The following KCNH5 variants were observed in gnomAD, a reference collection of about 807,000 sequenced individuals.
KCNH5 encodes voltage-gated delayed rectifier potassium channel KCNH5.
In KCNH5, 46 loss-of-function variants were observed where a neutral mutation model predicts 96.1. The observed-to-expected ratio is 0.48, with a 90% CI of 0.38 to 0.61. The LOEUF is 0.61. KCNH5 is among the 20% of genes least tolerant of loss of function. KCNH5 has a pLI of 0.00. For missense variants in KCNH5, 907 were observed against 1,225.8 expected, an observed-to-expected ratio of 0.74 and a Z score of 3.88; for synonymous variants, 439 against 449.8, an observed-to-expected ratio of 0.98 and a Z score of 0.30.
chr14:62,962,243 G>A (rs1890227203), intron 6 of KCNH5, among the ~76,000 whole-genome samples: 1 of 152,142 alleles, frequency 6.6e-6, no homozygotes, highest in Non-Finnish European at 1.5e-5. Flanking sequence ...TCAGCCCTTT[G>A]ACCAGGACAT....
chr14:62,851,061 T>C (rs1887794319), intron 7 of KCNH5, among the ~76,000 whole-genome samples: 1 of 152,188 alleles, frequency 6.6e-6, no homozygotes, highest in African/African-American at 2.4e-5. Context: ...AGAAAATTAT[T>C]TGTTTTCTTC....
At chr14:62,797,887 T>C (rs1442446387) in intron 9 of KCNH5, among the ~76,000 whole-genome samples, 1 of 151,972 alleles carries the variant, frequency 6.6e-6, no homozygotes, top group East Asian at 1.9e-4. Context: ...CAGGTAATTT[T>C]TGTATTTTTA....
In KCNH5 at chr14:62,706,529, T is replaced by C. The variant is rs1369473292; in HGVS notation, c.*979A>G. 17 of 152,168 alleles carry C rather than the reference T, an allele frequency of 1.1e-4. No individual in the cohort carries two copies. The highest frequency in any genetic ancestry group is 1.5e-5 in the Non-Finnish European group (1 of 67,990). 9.4% of individuals were successfully genotyped at this position (152,168 alleles called of 1,614,324 possible). On this transcript the variant is annotated 3_prime_UTR_variant, in exon 11 of 11. Transcript: ENST00000322893. ...TCTGTTTACATTCTTTTTTATTTTA[T>C]ACCATAATAGTTAGCATTTTGATAT...
chr14:62,810,368 G>A (rs1042655244), intron 8 of KCNH5, among the ~76,000 whole-genome samples: 6 of 152,026 alleles, frequency 3.9e-5, no homozygotes, highest in Admixed American at 3.3e-4. Context: ...CTTATAAAGG[G>A]GAGGGGGAAA....
Position 62,965,750 on chromosome 14 carries a change from T to C in KCNH5, c.942+15122A>G, listed in dbSNP as rs558784850. Among the ~76,000 whole-genome samples, 8 of 152,300 alleles carry C rather than the reference T, an allele frequency of 5.3e-5. No individual in the cohort carries two copies. In the East Asian group the frequency reaches 1.5e-3, roughly 29 times the overall value. ...GATCTAGTGATCAGTCCTAGTGATA[T>C]GTTTACCATATGTACTGGCAGGCTT... On this transcript the variant is annotated intron_variant, in intron 6 of 10. Transcript: ENST00000322893.
intron 10 of KCNH5, among the ~76,000 whole-genome samples, chr14:62,734,807 T>G (rs909050267): frequency 6.6e-6 from 1 of 152,174 alleles, no homozygotes; most frequent in African/African-American, 2.4e-5. Flanking sequence ...ACTTGAATCA[T>G]AGCCAAAACT....
At chr14:62,866,810 C>T (rs1446888514) in intron 7 of KCNH5, among the ~76,000 whole-genome samples, 1 of 152,022 alleles carries the variant, frequency 6.6e-6, no homozygotes, top group Non-Finnish European at 1.5e-5. Flanking sequence ...GTCACTTCTC[C>T]TCATCCACAT....
intron 7 of KCNH5, among the ~76,000 whole-genome samples, chr14:62,855,066 T>C (rs1195859327): frequency 1.3e-5 from 2 of 151,768 alleles, no homozygotes. Flanking sequence ...TCCTCACTAT[T>C]GAAACACCTG....
At chr14:62,743,597 A>G (rs899935136) in intron 10 of KCNH5, among the ~76,000 whole-genome samples, 3 of 152,102 alleles carry the variant, frequency 2.0e-5, no homozygotes, top group Admixed American at 1.3e-4. Context: ...ACGGGAAAGC[A>G]TTTCCTGCCT....
intron 5 of KCNH5, among the ~76,000 whole-genome samples, chr14:62,982,154 C>T (rs190214189): frequency 1.4e-4 from 21 of 152,246 alleles, no homozygotes; most frequent in Admixed American, 5.2e-4. Context: ...CATGGTGAAA[C>T]GCTGTCTCTA....
intron 7 of KCNH5, among the ~76,000 whole-genome samples, chr14:62,924,742 AC>A (rs1468995062): frequency 6.6e-6 from 1 of 152,132 alleles, no homozygotes; most frequent in Admixed American, 6.6e-5. Context: ...GATCTCACTT[AC>A]AAGTGGAATC....
chr14:62,854,004 C>CAAAAAAAAA (rs548263620), intron 7 of KCNH5, among the ~76,000 whole-genome samples: 2 of 84,210 alleles, frequency 2.4e-5, no homozygotes, highest in African/African-American at 4.4e-5. Flanking sequence ...GAGACTCTGT[C>CAAAAAAAAA]AAAAAAAAAA....
At chr14:63,033,783 A>AC (rs1233804890) in intron 1 of KCNH5, among the ~76,000 whole-genome samples, 1 of 146,170 alleles carries the variant, frequency 6.8e-6, no homozygotes, top group Non-Finnish European at 1.5e-5. Context: ...CATGGCAGGT[A>AC]TTTTTTTTTT....
rs868837351 is a variant in KCNH5 at position 62,707,912 on chromosome 14, T to G, written c.2563A>C (p.Lys855Gln). The G allele has an allele frequency of 1.2e-6, 2 of 1,614,228 alleles. No homozygotes were observed. Among genetic ancestry groups the G allele is most frequent in the East Asian group, 4.5e-5 (2 of 44,876 alleles). ...GAATCTGTTTTTCTTAGTGGGTTTT[T>G]GGTCACACTGTTCTCTGAATCACTG... ...KSSDSENSVT[K>Q]NPLRKTDSCD... The change falls in exon 11 of 11, where the codon AAA becomes CAA. Residue 855 changes from lysine (K) to glutamine (Q), a missense_variant. Around this residue, in one of 6 missense-constraint regions of KCNH5, gnomAD observed 362 missense variants for 394.4 expected, o/e 0.92. Coordinates refer to ENST00000322893, the MANE Select transcript of KCNH5 (RefSeq NM_139318.5).
At chr14:63,006,033 A>C (rs947687894) in intron 3 of KCNH5, among the ~76,000 whole-genome samples, 1 of 152,186 alleles carries the variant, frequency 6.6e-6, no homozygotes, top group African/African-American at 2.4e-5. Context: ...TTTAACCATA[A>C]GAAGAAATTA....
chr14:63,002,055 A>G (rs1363745107), intron 3 of KCNH5, among the ~76,000 whole-genome samples: 2 of 152,156 alleles, frequency 1.3e-5, no homozygotes, highest in Non-Finnish European at 2.9e-5. Context: ...GCAAAACTTG[A>G]TGTCCGATGT....
At chr14:62,757,507 A>C (rs574125053) in intron 10 of KCNH5, among the ~76,000 whole-genome samples, 1 of 152,272 alleles carries the variant, frequency 6.6e-6, no homozygotes, top group South Asian at 2.1e-4. Flanking sequence ...TTGTTGCAGC[A>C]CTGTTCACAA....
At chr14:62,996,283 T>C (rs1405987118) in intron 4 of KCNH5, among the ~76,000 whole-genome samples, 2 of 152,192 alleles carry the variant, frequency 1.3e-5, no homozygotes, top group Non-Finnish European at 2.9e-5. Flanking sequence ...AGAAAGTAGC[T>C]CCTACACACC....
At chr14:63,039,060 A>C (rs1891775437) in intron 1 of KCNH5, among the ~76,000 whole-genome samples, 1 of 152,088 alleles carries the variant, frequency 6.6e-6, no homozygotes, top group Admixed American at 6.6e-5. Flanking sequence ...ATCCATGTTT[A>C]TCTGATTCAC....
Sources: allele counts gnomAD v4.1 joint callset (sites outside exome capture counted in the v4.1 genomes callset), GRCh38; gene constraint gnomAD v4.1.1; regional missense constraint gnomAD v4.1.1; transcripts MANE v1.5; gene names NCBI Gene and HGNC (gene_info 2026-07-23, HGNC 2026-07-21).